The following NSUN7 variants were observed in gnomAD, a reference collection of about 807,000 sequenced individuals.
NSUN7 encodes protein NSUN7.
In NSUN7, 39 loss-of-function variants were observed where a neutral mutation model predicts 58.5. That is an observed-to-expected ratio of 0.67 (90% confidence interval 0.52 to 0.87). The LOEUF is 0.87. Among genes scored for constraint, NSUN7 ranks in the 40% least tolerant of loss-of-function variants. The pLI is 0.00. For missense variants in NSUN7, 765 were observed against 844.1 expected (o/e 0.91, Z 1.16); for synonymous variants, 278 against 303.7 (o/e 0.92, Z 0.88).
In NSUN7 at chr4:40,802,575, C is replaced by T. The variant is rs1278845334; in HGVS notation, c.1400+3671C>T. On this transcript the variant is annotated intron_variant, in intron 10 of 11. Coordinates refer to ENST00000381782, the MANE Select transcript of NSUN7 (RefSeq NM_024677.6). Reference sequence around the variant, plus strand: ...AAGCCCAGAAATTTTGATATTTTTACTGCTGATACAGCCACACCAGCATGT... The same window carrying T: ...AAGCCCAGAAATTTTGATATTTTTATTGCTGATACAGCCACACCAGCATGT... Among the ~76,000 whole-genome samples, 7 of 152,226 alleles carry T rather than the reference C, an allele frequency of 4.6e-5. No homozygotes were observed. In the East Asian group the frequency reaches 1.3e-3, roughly 29 times the overall value.
At chr4:40,780,173 G>C (rs1159029209) in intron 7 of NSUN7, among the ~76,000 whole-genome samples, 1 of 152,004 alleles carries the variant, frequency 6.6e-6, no homozygotes, top group African/African-American at 2.4e-5. Flanking sequence ...CCAGCTGCTT[G>C]GTAGGCTGAG....
At chr4:40,761,076 C>G in intron 3 of NSUN7, 95 bp from the exon 4 acceptor site, 1 of 976,274 alleles carries the variant, frequency 1.0e-6, no homozygotes, top group South Asian at 1.5e-5. Flanking sequence ...TATTCCTGCT[C>G]TGTTATGAAA....
chr4:40,795,109 A>G (rs951041032), intron 9 of NSUN7, among the ~76,000 whole-genome samples: 4 of 152,344 alleles, frequency 2.6e-5, no homozygotes, highest in Non-Finnish European at 4.4e-5. Context: ...ACTTTGGGTC[A>G]GGTATTAAGC....
intron 5 of NSUN7, 103 bp downstream of exon 5, chr4:40,774,520 G>T: frequency 6.1e-6 from 7 of 1,138,628 alleles, no homozygotes; most frequent in Non-Finnish European, 8.9e-6. Flanking sequence ...GCACATCTAG[G>T]GGAGTGATTA....
At position 40,776,212 on chromosome 4, in the gene NSUN7, C is replaced by T; in HGVS notation, c.989C>T (p.Ala330Val). The T allele has an allele frequency of 6.2e-7, 1 of 1,610,892 alleles. No homozygotes were observed. Among genetic ancestry groups the T allele is most frequent in the South Asian group, 1.1e-5 (1 of 90,608 alleles). The stretch of plus-strand genomic sequence containing the variant: ...TTTGTGTGTGGAGTACAATCACAAG[C>T]TAAGGATCCTGACTTGAAGACCCTT... The part of the protein sequence containing the change: ...KVFVCGVQSQ[A>V]KDPDLKTLFT... The change falls in exon 7 of 12, where the codon GCT becomes GTT. Residue 330 changes from alanine to valine, a missense_variant. Physicochemically the swap from Ala to Val is moderately conservative, Grantham distance 64. Transcript: ENST00000381782.
At chr4:40,787,402 T>C (rs1742882511) in intron 7 of NSUN7, among the ~76,000 whole-genome samples, 1 of 151,904 alleles carries the variant, frequency 6.6e-6, no homozygotes, top group Non-Finnish European at 1.5e-5. Context: ...AAAGAAAATA[T>C]AATTGATTCA....
intron 7 of NSUN7, chr4:40,786,095 T>A: frequency 6.5e-7 from 1 of 1,544,922 alleles, no homozygotes; most frequent in Non-Finnish European, 8.7e-7. Flanking sequence ...ATTTGGGACA[T>A]TTATTTGCAC....
At position 40,791,743 on chromosome 4, in the gene NSUN7, G is replaced by A. The variant is rs1296767134; in HGVS notation, c.1180+998G>A. ...TCTGTTTCTAGCAAGGACAGAAGAG[G>A]AAAAGAAATGGAGGGAAAAGAGCTA... is the stretch of plus-strand genomic sequence containing the variant. On this transcript the variant is annotated intron_variant, in intron 8 of 11. Transcript: ENST00000381782. Among the ~76,000 whole-genome samples, 7 of 152,292 alleles carry A rather than the reference G, an allele frequency of 4.6e-5. No individual in the cohort carries two copies. The East Asian group carries it at 1.3e-3, about 29-fold the overall frequency.
chr4:40,804,438 CAAA>C (rs397817300), intron 10 of NSUN7, among the ~76,000 whole-genome samples: 1 of 109,254 alleles, frequency 9.2e-6, no homozygotes, highest in Non-Finnish European at 1.9e-5. Context: ...GACTCCATCT[CAAA>C]AAAAAAAAAA....
chr4:40,765,956 G>A (rs1488614828), intron 4 of NSUN7, among the ~76,000 whole-genome samples: 2 of 152,170 alleles, frequency 1.3e-5, no homozygotes, highest in East Asian at 3.8e-4. Context: ...TGCTGAAGTT[G>A]CTTATCAGCT....
In NSUN7 at chr4:40,808,497, G is replaced by A. The variant is rs765997254; in HGVS notation, c.1715G>A (p.Arg572Gln). The A allele has an allele frequency of 7.7e-6, 12 of 1,558,692 alleles. No homozygotes were observed. The African/African-American group carries it at 8.2e-5, about 11-fold the overall frequency. ...IQMKIAEFLN[R>Q]ETKASANLSE... ...ATGAAAATTGCTGAGTTCCTGAATC[G>A]AGAAACTAAAGCCAGTGCTAATCTA... is the stretch of plus-strand genomic sequence containing the variant. Residue 572 changes from arginine to glutamine, a missense_variant, in exon 12 of 12, where the codon CGA becomes CAA. By Grantham distance (43) the Arg-to-Gln change is conservative. Transcript: ENST00000381782.
At chr4:40,803,507 T>C (rs1743692373) in intron 10 of NSUN7, among the ~76,000 whole-genome samples, 1 of 152,232 alleles carries the variant, frequency 6.6e-6, no homozygotes, top group African/African-American at 2.4e-5. Flanking sequence ...TATCTCATTG[T>C]GGTTTTGATT....
chr4:40,756,783 T>TA (rs905750656), intron 2 of NSUN7, among the ~76,000 whole-genome samples: 1 of 152,178 alleles, frequency 6.6e-6, no homozygotes, highest in African/African-American at 2.4e-5. Context: ...TAGAAAACAT[T>TA]ATATACACAG....
chr4:40,769,815 C>T lies in NSUN7; in HGVS notation c.489-4450C>T, dbSNP rs368020962. ...CGCTCCTTCTTCAGAAACTCTTCAC[C>T]TGTTTCACTTACCTAGTAAAGAGTC... On this transcript the variant is annotated intron_variant, in intron 4 of 11. Coordinates refer to ENST00000381782, the MANE Select transcript of NSUN7 (RefSeq NM_024677.6). Among the ~76,000 whole-genome samples, 20 of 152,338 alleles carry T rather than the reference C, an allele frequency of 1.3e-4. No homozygotes were observed. In the East Asian group the frequency reaches 3.5e-3, roughly 26 times the overall value.
chr4:40,750,604 G>A lies in NSUN7; in HGVS notation c.-90G>A. 1 of 1,455,322 alleles carries A rather than the reference G, an allele frequency of 6.9e-7. No homozygotes were observed. The highest frequency in any genetic ancestry group is 9.4e-7 in the Non-Finnish European group (1 of 1,062,254). 90.2% of individuals were successfully genotyped at this position (1,455,322 alleles called of 1,614,324 possible). On this transcript the variant is annotated splice_region_variant and 5_prime_UTR_variant, in exon 2 of 12. Transcript: ENST00000381782. ...TGCAATCACCTTCTCTCTTCACAGA[G>A]ACCATGCTGCAGATGCGAGGAAAGC...
At chr4:40,788,328 A>T (rs1742927294) in intron 7 of NSUN7, among the ~76,000 whole-genome samples, 2 of 152,220 alleles carry the variant, frequency 1.3e-5, no homozygotes, top group East Asian at 3.8e-4. Flanking sequence ...ATTGAATGTC[A>T]TGATCACTAA....
chr4:40,773,609 C>T (rs1742114483), intron 4 of NSUN7, among the ~76,000 whole-genome samples: 1 of 151,204 alleles, frequency 6.6e-6, no homozygotes, highest in Admixed American at 6.6e-5. Context: ...CTTGAACCCA[C>T]AGGGCAGAGG....
intron 7 of NSUN7, among the ~76,000 whole-genome samples, chr4:40,783,270 T>C (rs1742661639): frequency 1.3e-5 from 2 of 152,226 alleles, no homozygotes; most frequent in Admixed American, 1.3e-4. Flanking sequence ...GGGAAATGAA[T>C]AGTCTTTTCA....
intron 2 of NSUN7, among the ~76,000 whole-genome samples, chr4:40,752,142 A>G (rs1271805737): frequency 1.3e-5 from 2 of 152,350 alleles, no homozygotes; most frequent in South Asian, 2.1e-4. Context: ...AGTTCCAGAA[A>G]TGTTTAGAAT....
Sources: gnomAD v4.1 joint callset for allele counts (sites outside exome capture counted in the v4.1 genomes callset) on GRCh38, gnomAD v4.1.1 for gene constraint, MANE v1.5 for transcripts, NCBI Gene and HGNC (gene_info 2026-07-23, HGNC 2026-07-21) for gene names.